Variants in ZNF461 observed in about 807,000 individuals in gnomAD.
The protein encoded by ZNF461 is zinc finger protein 461.
Under a neutral mutation model 18.3 loss-of-function variants are expected in ZNF461, and 16 were observed. The ratio of observed to expected loss-of-function variants is 0.88; its 90% CI spans 0.59 to 1.33. The LOEUF is 1.33. Ranked by LOEUF, ZNF461 falls within the 40% of genes most tolerant of loss-of-function variation. The pLI, the probability that ZNF461 is intolerant of heterozygous loss-of-function variation, is 0.00. For missense variants in ZNF461, 595 were observed against 669.9 expected (o/e 0.89, Z 1.23); for synonymous variants, 179 against 216.9 (o/e 0.83, Z 1.54).
At position 36,639,684 on chromosome 19, in the gene ZNF461, ATT is replaced by A; in HGVS notation, c.659_660del (p.Glu220ValfsTer2). 1 of 1,613,884 alleles carries A rather than the reference ATT, an allele frequency of 6.2e-7. No individual in the cohort carries two copies. Among genetic ancestry groups the A allele is most frequent in the Non-Finnish European group, 8.5e-7 (1 of 1,179,830 alleles). On this transcript the variant is annotated frameshift_variant, in exon 6 of 6. Transcript: ENST00000588268. LOFTEE classifies it low-confidence loss of function (END_TRUNC). ...HKRTHSKELS[E>X]CKECTEIVNT... is the part of the protein sequence containing the mutation. ...TTAACAATTTCTGTGCATTCTTTAC[ATT>A]CAGAAAGTTCTTTAGAATGAGTTCT...
chr19:36,646,593 T>A (rs2037532536), intron 4 of ZNF461, among the ~76,000 whole-genome samples: 2 of 152,190 alleles, frequency 1.3e-5, no homozygotes, highest in Admixed American at 1.3e-4. Flanking sequence ...GCATAACTAA[T>A]TGGAGCAATA....
Position 36,655,300 on chromosome 19 carries a change from T to C in ZNF461, c.232+1148A>G, listed in dbSNP as rs534377773. 1.4e-4 allele frequency among the ~76,000 whole-genome samples: 22 copies of C among 152,264 alleles called. No individual in the cohort carries two copies. The East Asian group carries it at 3.9e-3, about 27-fold the overall frequency. Reference sequence around the variant, plus strand: ...TGTGAGCCACTGAGCCCAGCCTGAATCTTTTAAAAAACTAATAAGCAGGCT... The same window carrying C: ...TGTGAGCCACTGAGCCCAGCCTGAACCTTTTAAAAAACTAATAAGCAGGCT... On this transcript the variant is annotated intron_variant, in intron 4 of 5. Coordinates refer to ENST00000588268, the MANE Select transcript of ZNF461 (RefSeq NM_153257.5).
intron 5 of ZNF461, among the ~76,000 whole-genome samples, chr19:36,640,721 G>GTAGA (rs1281946299): frequency 6.6e-6 from 1 of 152,174 alleles, no homozygotes; most frequent in African/African-American, 2.4e-5. Flanking sequence ...GTTTTGCAGA[G>GTAGA]TAGATACCTT....
chr19:36,654,080 G>A (rs2037675101), intron 4 of ZNF461, among the ~76,000 whole-genome samples: 1 of 151,970 alleles, frequency 6.6e-6, no homozygotes, highest in South Asian at 2.1e-4. Flanking sequence ...GCTGCAAAGG[G>A]GGTACACAGG....
At position 36,639,360 on chromosome 19, in the gene ZNF461, AG is replaced by A; in HGVS notation, c.984del (p.Tyr329MetfsTer100). 2 of 1,614,080 alleles carry A rather than the reference AG, an allele frequency of 1.2e-6. No individual in the cohort carries two copies. Among genetic ancestry groups the A allele is most frequent in the Non-Finnish European group, 1.7e-6 (2 of 1,179,998 alleles). On this transcript the variant is annotated frameshift_variant, in exon 6 of 6. Transcript: ENST00000588268. LOFTEE classifies it low-confidence loss of function (END_TRUNC). ...GCCTTCCCACATTGCTTACATTCAT[AG>A]GGTTTTTCACCAGTATGAAGTCTCT... ...QHQRLHTGEK[P>X]YECKQCGKAF...
In ZNF461 at chr19:36,637,962, A is replaced by C. The variant is rs530383519; in HGVS notation, c.*691T>G. On this transcript the variant is annotated 3_prime_UTR_variant, in exon 6 of 6. Coordinates refer to ENST00000588268, the MANE Select transcript of ZNF461 (RefSeq NM_153257.5). ...AACAAAAAATTTAGAAGATTTTAAAAAATAAATGTAATGTCAAAATATATA... is the reference window on the plus strand; with the variant it reads ...AACAAAAAATTTAGAAGATTTTAAACAATAAATGTAATGTCAAAATATATA... 3.2e-5 allele frequency: 10 copies of C among 314,812 alleles called. No homozygotes were observed. Among genetic ancestry groups the C allele is most frequent in the South Asian group, 2.6e-4 (10 of 37,806 alleles). 19.5% of individuals were successfully genotyped at this position (314,812 alleles called of 1,614,324 possible). A position where few individuals can be genotyped will look rare whatever the true frequency, so the allele number is the denominator to read the frequency against.
chr19:36,644,002 A>C (rs2037476122), intron 4 of ZNF461, 140 bp from the exon 5 acceptor site: 109 of 631,034 alleles, frequency 1.7e-4, no homozygotes, highest in Non-Finnish European at 2.0e-4. Context: ...ACACAATCTC[A>C]GCTCACTGCA....
At chr19:36,640,852 C>A (rs1444174608) in intron 5 of ZNF461, among the ~76,000 whole-genome samples, 1 of 152,192 alleles carries the variant, frequency 6.6e-6, no homozygotes, top group Non-Finnish European at 1.5e-5. Flanking sequence ...TGTTCTGGGT[C>A]TCTGTCACAA....
chr19:36,649,015 G>A (rs1354032191), intron 4 of ZNF461, among the ~76,000 whole-genome samples: 2 of 152,116 alleles, frequency 1.3e-5, no homozygotes, highest in Non-Finnish European at 2.9e-5. Flanking sequence ...AAACTAAACT[G>A]TCATTGGAAC....
At chr19:36,663,732 G>A (rs1049418289) in intron 2 of ZNF461, among the ~76,000 whole-genome samples, 3 of 151,740 alleles carry the variant, frequency 2.0e-5, no homozygotes, top group Non-Finnish European at 4.4e-5. Context: ...GTTTTATTAT[G>A]TTGCCTAGAC....
At position 36,638,954 on chromosome 19, in the gene ZNF461, G is replaced by A. The variant is rs759744718; in HGVS notation, c.1391C>T (p.Thr464Ile). 6.2e-7 allele frequency: 1 copy of A among 1,614,042 alleles called. No individual in the cohort carries two copies. The highest frequency in any genetic ancestry group is 1.1e-5 in the South Asian group (1 of 91,072). Residue 464 changes from threonine (T) to isoleucine (I), a missense_variant, in exon 6 of 6, where the codon ACT (threonine) becomes ATT (isoleucine). Coordinates refer to ENST00000588268, the MANE Select transcript of ZNF461 (RefSeq NM_153257.5). ...CATGCATTCATGAGGTTTCTCACCA[G>A]TATGAATTCTCTGATGTCTTTTGAG... ...SHLKRHQRIH[T>I]GEKPHECMIC...
At chr19:36,662,502 G>A (rs531509552) in intron 2 of ZNF461, among the ~76,000 whole-genome samples, 79 of 151,990 alleles carry the variant, frequency 5.2e-4, no homozygotes, top group Non-Finnish European at 1.0e-3. Context: ...TGATCCGCCC[G>A]CCTCAGCCTC....
Position 36,638,971 on chromosome 19 carries a change from T to C in ZNF461, c.1374A>G (p.Arg458=). 1.2e-6 allele frequency: 2 copies of C among 1,614,128 alleles called. No individual in the cohort carries two copies. Among genetic ancestry groups the C allele is most frequent in the Non-Finnish European group, 1.7e-6 (2 of 1,180,014 alleles). ...KTFRQCSHLK[R]HQRIHTGEKP... The stretch of plus-strand genomic sequence containing the variant: ...TCTCACCAGTATGAATTCTCTGATG[T>C]CTTTTGAGGTGTGAACACTGTCTAA... Residue 458 remains arginine, a synonymous_variant, in exon 6 of 6, where the codon AGA becomes AGG. Transcript: ENST00000588268.
At chr19:36,654,526 C>T (rs2037683161) in intron 4 of ZNF461, among the ~76,000 whole-genome samples, 1 of 151,976 alleles carries the variant, frequency 6.6e-6, no homozygotes, top group Non-Finnish European at 1.5e-5. Flanking sequence ...TGCCACCATG[C>T]TAGGCTAATT....
intron 4 of ZNF461, among the ~76,000 whole-genome samples, chr19:36,649,008 C>G (rs78266753): frequency 6.6e-6 from 1 of 152,244 alleles, no homozygotes; most frequent in East Asian, 1.9e-4. Context: ...GTTCTGAAAA[C>G]TAAACTGTCA....
chr19:36,658,632 T>A, intron 2 of ZNF461: 2 of 420,298 alleles, frequency 4.8e-6, no homozygotes. Context: ...TGCAGACACA[T>A]CTTCTTGTGT....
intron 4 of ZNF461, among the ~76,000 whole-genome samples, chr19:36,651,964 A>G (rs984167896): frequency 6.6e-6 from 1 of 152,202 alleles, no homozygotes; most frequent in African/African-American, 2.4e-5. Context: ...GTGGCACTAA[A>G]AGAGAGATGG....
At chr19:36,662,427 T>C (rs753915897) in intron 2 of ZNF461, among the ~76,000 whole-genome samples, 99 of 151,716 alleles carry the variant, frequency 6.5e-4, no homozygotes, top group Admixed American at 1.2e-3. Context: ...CAGCTAATTT[T>C]TGTATTTTTA....
At chr19:36,665,154 G>A (rs1188605133) in intron 1 of ZNF461, among the ~76,000 whole-genome samples, 1 of 152,084 alleles carries the variant, frequency 6.6e-6, no homozygotes. Context: ...AACATTATGA[G>A]AAAAGATTAG....
Sources: allele counts gnomAD v4.1 joint callset (sites outside exome capture counted in the v4.1 genomes callset), GRCh38; gene constraint gnomAD v4.1.1; transcripts MANE v1.5; gene names NCBI Gene and HGNC (gene_info 2026-07-23, HGNC 2026-07-21).